ALG9: variants seen among roughly 807,000 people sequenced by gnomAD.
ALG9 encodes the protein ALG9 alpha-1,2-mannosyltransferase.
In ALG9, 55 loss-of-function variants were observed where a neutral mutation model predicts 81.8. The ratio of observed to expected loss-of-function variants is 0.67; its 90% CI spans 0.54 to 0.84. The LOEUF (loss-of-function observed/expected upper bound fraction) is 0.84, where lower values mean the gene tolerates loss of function less well. Ranked by LOEUF, ALG9 falls within the 40% of genes least tolerant of loss-of-function variation. The pLI is 0.00. For synonymous variants in ALG9, 278 were observed against 274.3 expected (o/e 1.01, Z -0.13); for missense variants, 629 against 745.0 (o/e 0.84, Z 1.81).
chr11:111,853,058 A>G lies in ALG9; in HGVS notation c.895+322T>C, dbSNP rs73558072. Among the ~76,000 whole-genome samples the G allele has an allele frequency of 0.079, 11,812 of 149,778 alleles. 1,550 individuals are homozygous for G. Among genetic ancestry groups the G allele is most frequent in the African/African-American group, 0.27 (11,117 of 40,922 alleles). Reference sequence around the variant, plus strand: ...CTATCATACTGATTTTTTAATAAGAAGAGAAAAAAGTAACTTTTAATTAAA... The same window carrying G: ...CTATCATACTGATTTTTTAATAAGAGGAGAAAAAAGTAACTTTTAATTAAA... On this transcript the variant is annotated intron_variant, in intron 8 of 14. Transcript: ENST00000616540.
At chr11:111,786,681 A>C (rs935806816) in intron 14 of ALG9, among the ~76,000 whole-genome samples, 161 bp from the exon 15 acceptor site, 1 of 152,204 alleles carries the variant, frequency 6.6e-6, no homozygotes, top group Non-Finnish European at 1.5e-5. Context: ...ACGATAAAAG[A>C]CTTAATCAAG....
At chr11:111,827,781 C>A (rs115043444) in intron 13 of ALG9, among the ~76,000 whole-genome samples, 2,017 of 150,890 alleles carry the variant, frequency 0.013, 40 homozygotes, top group African/African-American at 0.046. Flanking sequence ...GCACAAAAAT[C>A]CCTTGAACCA....
At chr11:111,775,633 A>C in the ALG9 span, among the ~76,000 whole-genome samples, 1 of 152,192 alleles carries the variant, frequency 6.6e-6, no homozygotes. Context: ...CCAGCTACTC[A>C]GGAGGCTGAG....
chr11:111,857,808 C>T, intron 5 of ALG9, 71 bp from the exon 6 acceptor site: 1 of 1,571,342 alleles, frequency 6.4e-7, no homozygotes, highest in South Asian at 1.1e-5. Flanking sequence ...CAATTAAAAA[C>T]TGATTAAAAA....
intron 3 of ALG9, among the ~76,000 whole-genome samples, chr11:111,865,633 A>G (rs1477038427): frequency 6.6e-6 from 1 of 152,250 alleles, no homozygotes; most frequent in Admixed American, 6.5e-5. Context: ...CTTGCAATAT[A>G]ATGCTCATTC....
At chr11:111,866,037 G>A (rs975351782) in intron 3 of ALG9, among the ~76,000 whole-genome samples, 1 of 152,182 alleles carries the variant, frequency 6.6e-6, no homozygotes, top group Non-Finnish European at 1.5e-5. Context: ...GCTCACACTT[G>A]TAATTCCAAC....
intron 13 of ALG9, among the ~76,000 whole-genome samples, chr11:111,822,461 T>C (rs554990870): frequency 7.7e-4 from 113 of 146,128 alleles, no homozygotes; most frequent in Non-Finnish European, 1.2e-3. Flanking sequence ...CCTGTAATTG[T>C]AACACTTTGG....
At position 111,826,066 on chromosome 11, in the gene ALG9, C is replaced by CAATAATGATAATAATAAT. The variant is rs1953207965; in HGVS notation, c.1602+10098_1602+10099insATTATTATTATCATTATT. 2.3e-5 allele frequency among the ~76,000 whole-genome samples: 3 copies of CAATAATGATAATAATAAT among 132,676 alleles called. No homozygotes were observed. In the South Asian group the frequency reaches 7.8e-4, roughly 35 times the overall value. 87.0% of individuals were successfully genotyped at this position (132,676 alleles called of 152,430 possible). A position where few individuals can be genotyped will look rare whatever the true frequency, so the allele number is the denominator to read the frequency against. ...GGGCAACAAGAGCAAAACTCCGTCT[C>CAATAATGATAATAATAAT]AATAATAATAATAATAATAATAATA... On this transcript the variant is annotated intron_variant, in intron 13 of 14. Coordinates refer to ENST00000616540, the MANE Select transcript of ALG9 (RefSeq NM_024740.2).
chr11:111,865,291 A>G, intron 3 of ALG9, 40 bp from the exon 4 acceptor site: 4 of 1,474,014 alleles, frequency 2.7e-6, no homozygotes, highest in Non-Finnish European at 3.7e-6. Context: ...AGTCACAGAT[A>G]TGAGCTAGAA....
chr11:111,840,828 T>C lies in ALG9; in HGVS notation c.1019-19A>G. Reference sequence around the variant, plus strand: ...TTCTGAACTGCAAGACACAGAAAAATACCCATCTTTCATTATATTAGAACA... The same window carrying C: ...TTCTGAACTGCAAGACACAGAAAAACACCCATCTTTCATTATATTAGAACA... On this transcript the variant is annotated intron_variant, in intron 9 of 14. Transcript: ENST00000616540. 1 of 1,613,806 alleles carries C rather than the reference T, an allele frequency of 6.2e-7. No individual in the cohort carries two copies. Among genetic ancestry groups the C allele is most frequent in the Non-Finnish European group, 8.5e-7 (1 of 1,179,748 alleles).
At chr11:111,779,105 C>T (rs184632899), downstream of ALG9, among the ~76,000 whole-genome samples, 71 of 152,206 alleles carry the variant, frequency 4.7e-4, no homozygotes, top group Middle Eastern at 6.8e-3. Context: ...TGAGCCACCG[C>T]GGCCGGCCAA....
downstream of ALG9, among the ~76,000 whole-genome samples, chr11:111,779,934 T>C (rs558384449): frequency 1.7e-4 from 26 of 152,368 alleles, no homozygotes; most frequent in African/African-American, 6.3e-4. Flanking sequence ...CTACATTATA[T>C]TTCTCACGTG....
At chr11:111,778,306 G>C (rs1481807191), downstream of ALG9, 1 of 152,168 alleles carries the variant, frequency 6.6e-6, no homozygotes, top group Non-Finnish European at 1.5e-5. Context: ...ACACTGAATA[G>C]GTCTGCAATT....
chr11:111,786,340 G>T lies in ALG9; in HGVS notation c.*57C>A. ...ACAGGCGATGACTTGCAGGGAGTCAGGTCACTGGAATCAATAGTTAACAAG... is the reference window on the plus strand; with the variant it reads ...ACAGGCGATGACTTGCAGGGAGTCATGTCACTGGAATCAATAGTTAACAAG... On this transcript the variant is annotated 3_prime_UTR_variant, in exon 15 of 15. Transcript: ENST00000616540. The T allele has an allele frequency of 6.2e-7, 1 of 1,609,988 alleles. No individual in the cohort carries two copies. The highest frequency in any genetic ancestry group is 8.5e-7 in the Non-Finnish European group (1 of 1,177,700).
intron 14 of ALG9, chr11:111,798,242 C>T: frequency 3.4e-6 from 1 of 291,378 alleles, no homozygotes; most frequent in Non-Finnish European, 6.8e-6. Flanking sequence ...CTCACAATCC[C>T]CAAACTAAAG....
At chr11:111,861,491 A>AC (rs1555147925) in intron 4 of ALG9, among the ~76,000 whole-genome samples, 1 of 152,034 alleles carries the variant, frequency 6.6e-6, no homozygotes, top group Non-Finnish European at 1.5e-5. Flanking sequence ...CCACTCCGAG[A>AC]TAGAGTCATA....
chr11:111,814,895 A>G (rs782415801), intron 13 of ALG9, among the ~76,000 whole-genome samples: 2 of 152,234 alleles, frequency 1.3e-5, no homozygotes, highest in East Asian at 3.8e-4. Context: ...AAGCTTTACA[A>G]GTGCCATGCC....
chr11:111,802,463 T>C lies in ALG9; in HGVS notation c.1733+7180A>G, dbSNP rs547254808. Among the ~76,000 whole-genome samples, 3 of 152,264 alleles carry C rather than the reference T, an allele frequency of 2.0e-5. No individual in the cohort carries two copies. The South Asian group carries it at 6.2e-4, about 32-fold the overall frequency. ...CACATATGATTGCACTTATATGAAA[T>C]GTCCAGAAAAGGCAATCTATAGAAG... On this transcript the variant is annotated intron_variant, in intron 14 of 14. Transcript: ENST00000616540.
At chr11:111,847,053 C>T (rs782402805) in intron 8 of ALG9, among the ~76,000 whole-genome samples, 8 of 152,018 alleles carry the variant, frequency 5.3e-5, no homozygotes, top group Non-Finnish European at 4.4e-5. Flanking sequence ...ATGTTTACTG[C>T]TCCATAGATT....
Sources: gnomAD v4.1 joint callset for allele counts (sites outside exome capture counted in the v4.1 genomes callset) on GRCh38, gnomAD v4.1.1 for gene constraint, MANE v1.5 for transcripts, NCBI Gene and HGNC (gene_info 2026-07-23, HGNC 2026-07-21) for gene names.